Variants in FTO observed in about 807,000 individuals in gnomAD.
FTO encodes the protein FTO alpha-ketoglutarate dependent dioxygenase, also known as alpha-ketoglutarate-dependent dioxygenase FTO.
Under a neutral mutation model 63.9 loss-of-function variants are expected in FTO, and 47 were observed. The observed-to-expected ratio is 0.74, with a 90% confidence interval of 0.58 to 0.94. The LOEUF is 0.94. Among genes scored for constraint, FTO ranks in the 40% least tolerant of loss-of-function variants. FTO has a pLI of 0.00. For missense variants in FTO, 562 were observed against 618.1 expected, an observed-to-expected ratio of 0.91 and a Z score of 0.96; for synonymous variants, 207 against 224.4, an observed-to-expected ratio of 0.92 and a Z score of 0.69.
chr16:53,772,504 C>T (rs1416109167), intron 1 of FTO, among the ~76,000 whole-genome samples: 5 of 152,040 alleles, frequency 3.3e-5, no homozygotes, highest in African/African-American at 1.2e-4. Context: ...ACATGTGATA[C>T]ACTGTTTTCT....
intron 2 of FTO, among the ~76,000 whole-genome samples, chr16:53,816,034 A>G (rs966616392): frequency 6.6e-6 from 1 of 151,996 alleles, no homozygotes; most frequent in Non-Finnish European, 1.5e-5. Context: ...AACTCTCGTC[A>G]TAGGGAGTTC....
chr16:53,917,441 G>A (rs7197167), intron 7 of FTO, among the ~76,000 whole-genome samples: 1 of 151,996 alleles, frequency 6.6e-6, no homozygotes, highest in Non-Finnish European at 1.5e-5. Flanking sequence ...TAATAAAACC[G>A]ATTTCACTGA....
intron 8 of FTO, among the ~76,000 whole-genome samples, chr16:54,014,764 C>CT (rs1220061843): frequency 2.0e-5 from 3 of 151,806 alleles, no homozygotes; most frequent in African/African-American, 7.3e-5. Flanking sequence ...TTTAGCTTGC[C>CT]TGAAGTGTGT....
At chr16:53,759,981 GC>G (rs1258506589) in intron 1 of FTO, among the ~76,000 whole-genome samples, 1 of 152,056 alleles carries the variant, frequency 6.6e-6, no homozygotes, top group Non-Finnish European at 1.5e-5. Context: ...TGTGGTGGTT[GC>G]CTGGCTGTTG....
chr16:53,911,141 A>T, intron 7 of FTO: 2 of 496,272 alleles, frequency 4.0e-6, no homozygotes, highest in Non-Finnish European at 7.2e-6. Context: ...CATGCCTATC[A>T]TGTGCCAGGC....
intron 1 of FTO, among the ~76,000 whole-genome samples, chr16:53,801,406 A>G (rs768654864): frequency 4.0e-5 from 6 of 151,830 alleles, no homozygotes; most frequent in Non-Finnish European, 8.8e-5. Context: ...TTTTATTTCT[A>G]CATATGTTAT....
At chr16:53,928,045 C>T (rs775369951) in intron 7 of FTO, among the ~76,000 whole-genome samples, 2 of 152,036 alleles carry the variant, frequency 1.3e-5, no homozygotes, top group Non-Finnish European at 2.9e-5. Flanking sequence ...GCAACTAATA[C>T]AAGAATTGTG....
chr16:53,996,223 T>G (rs1399946391), intron 8 of FTO, among the ~76,000 whole-genome samples: 1 of 152,210 alleles, frequency 6.6e-6, no homozygotes, highest in African/African-American at 2.4e-5. Context: ...TTTTGACGGT[T>G]GGTTTTTTGC....
chr16:53,948,085 C>A (rs1442567389), intron 8 of FTO, among the ~76,000 whole-genome samples: 1 of 152,154 alleles, frequency 6.6e-6, no homozygotes, highest in Non-Finnish European at 1.5e-5. Context: ...GAGAGCCATT[C>A]CCTTAGCTGG....
chr16:54,003,426 T>G (rs1219481732), intron 8 of FTO, among the ~76,000 whole-genome samples: 1 of 152,266 alleles, frequency 6.6e-6, no homozygotes, highest in East Asian at 1.9e-4. Context: ...TGATTATTCT[T>G]TAAGCACATA....
At chr16:53,952,022 A>C (rs7194214) in intron 8 of FTO, among the ~76,000 whole-genome samples, 3,588 of 152,278 alleles carry the variant, frequency 0.024, 141 homozygotes, top group African/African-American at 0.081. Context: ...TCATCATCAT[A>C]ATAATAGCAG....
intron 1 of FTO, among the ~76,000 whole-genome samples, chr16:53,743,363 C>T (rs2076572714): frequency 6.6e-6 from 1 of 151,764 alleles, no homozygotes; most frequent in Non-Finnish European, 1.5e-5. Context: ...CATAAGGAAG[C>T]CTAGACAACA....
At chr16:53,746,210 T>C (rs2076648482) in intron 1 of FTO, among the ~76,000 whole-genome samples, 1 of 152,196 alleles carries the variant, frequency 6.6e-6, no homozygotes, top group Admixed American at 6.5e-5. Context: ...ATGGGTATTA[T>C]TTCCTGGTCA....
intron 8 of FTO, among the ~76,000 whole-genome samples, chr16:54,098,277 C>CT (rs2086558456): frequency 6.6e-6 from 1 of 152,204 alleles, no homozygotes; most frequent in African/African-American, 2.4e-5. Context: ...TTAGATGCTA[C>CT]TGAGTTCCCT....
intron 8 of FTO, among the ~76,000 whole-genome samples, chr16:53,985,893 G>A (rs894687018): frequency 2.0e-5 from 3 of 152,202 alleles, no homozygotes; most frequent in Admixed American, 2.0e-4. Context: ...AAGTTCTATG[G>A]CTTAAAGAGT....
In FTO at chr16:53,749,441, C is replaced by T. The variant is rs866896070; in HGVS notation, c.45+45212C>T. Reference sequence around the variant, plus strand: ...AGGAAAAGATTTTAATTCTTTTTTTCTTTTTTTTTTTTTTGAGACGAAGTC... The same window carrying T: ...AGGAAAAGATTTTAATTCTTTTTTTTTTTTTTTTTTTTTTGAGACGAAGTC... On this transcript the variant is annotated intron_variant, in intron 1 of 8. Coordinates refer to ENST00000471389, the MANE Select transcript of FTO (RefSeq NM_001080432.3). Among the ~76,000 whole-genome samples the T allele has an allele frequency of 6.1e-4, 85 of 140,166 alleles. 1 individual carries two copies. In the South Asian group the frequency reaches 9.8e-3, roughly 16 times the overall value. 92.0% of individuals were successfully genotyped at this position (140,166 alleles called of 152,430 possible).
At chr16:53,750,768 T>C (rs1453577854) in intron 1 of FTO, among the ~76,000 whole-genome samples, 1 of 152,196 alleles carries the variant, frequency 6.6e-6, no homozygotes, top group African/African-American at 2.4e-5. Context: ...CTCATTGCTT[T>C]TATTAATCTC....
At chr16:53,755,535 C>T (rs957768047) in intron 1 of FTO, among the ~76,000 whole-genome samples, 10 of 152,182 alleles carry the variant, frequency 6.6e-5, no homozygotes, top group Non-Finnish European at 1.3e-4. Flanking sequence ...ATTTTGAAGA[C>T]CATTTGTTTG....
intron 1 of FTO, among the ~76,000 whole-genome samples, chr16:53,756,657 A>G (rs1457756556): frequency 6.6e-6 from 1 of 152,228 alleles, no homozygotes; most frequent in African/African-American, 2.4e-5. Context: ...TTTGAAAGAG[A>G]AAAGCAGCTG....
Sources: allele counts gnomAD v4.1 joint callset (sites outside exome capture counted in the v4.1 genomes callset), GRCh38; gene constraint gnomAD v4.1.1; transcripts MANE v1.5; gene names NCBI Gene and HGNC (gene_info 2026-07-23, HGNC 2026-07-21).